The following CCDC158 variants were observed in gnomAD, a reference collection of about 807,000 sequenced individuals.
CCDC158 encodes the protein coiled-coil domain containing 158.
CCDC158 carries 116 observed loss-of-function variants against 138.6 expected under a neutral mutation model. The observed-to-expected ratio is 0.84, with a 90% CI of 0.72 to 0.98. CCDC158 has a LOEUF of 0.98. Among genes scored for constraint, CCDC158 ranks in the 50% least tolerant of loss-of-function variants. The pLI, the probability that CCDC158 is intolerant of heterozygous loss-of-function variation, is 0.00. For missense variants in CCDC158, 1,265 were observed against 1,306.1 expected, an observed-to-expected ratio of 0.97 and a Z score of 0.48; for synonymous variants, 436 against 442.4, an observed-to-expected ratio of 0.99 and a Z score of 0.18.
chr4:76,387,048 C>A (rs1419998375), intron 4 of CCDC158, among the ~76,000 whole-genome samples: 1 of 152,136 alleles, frequency 6.6e-6, no homozygotes, highest in Admixed American at 6.5e-5. Context: ...GGGCTTAGAG[C>A]CAGTAAACTA....
At chr4:76,343,836 G>A (rs1418369210) in intron 18 of CCDC158, among the ~76,000 whole-genome samples, 1 of 151,910 alleles carries the variant, frequency 6.6e-6, no homozygotes, top group Non-Finnish European at 1.5e-5. Flanking sequence ...AACAAACCAG[G>A]AAAGTGTTGT....
chr4:76,320,618 A>G (rs1485034293), intron 24 of CCDC158, among the ~76,000 whole-genome samples: 1 of 152,246 alleles, frequency 6.6e-6, no homozygotes, highest in East Asian at 1.9e-4. Flanking sequence ...AACAGAATAG[A>G]GAACCCAGGA....
chr4:76,325,906 T>C lies in CCDC158; in HGVS notation c.3120A>G (p.Thr1040=), dbSNP rs765936434. 4 of 1,613,870 alleles carry C rather than the reference T, an allele frequency of 2.5e-6. No individual in the cohort carries two copies. Among genetic ancestry groups the C allele is most frequent in the Admixed American group, 3.3e-5 (2 of 60,020 alleles). The stretch of plus-strand genomic sequence containing the variant: ...TAGGTTTGGCAGATCTATACTGTGA[T>C]GTGGAACCTATTGAACCTTCAACTG... ...TSSVEGSIGS[T]SQYRSAKPIH... Residue 1040 remains threonine, a synonymous_variant, in exon 23 of 25, where the codon ACA becomes ACG. Transcript: ENST00000682701.
rs201274899 is a variant in CCDC158, at chr4:76,371,424, T to C, written c.1142A>G (p.Lys381Arg). 2.2e-5 allele frequency: 35 copies of C among 1,614,002 alleles called. No homozygotes were observed. In the East Asian group the frequency reaches 5.8e-4, roughly 27 times the overall value. Residue 381 changes from lysine (K) to arginine (R), a missense_variant, in exon 10 of 25, where the codon AAG becomes AGG. Physicochemically the swap from Lys to Arg is conservative, Grantham distance 26. Transcript: ENST00000682701. The stretch of plus-strand genomic sequence containing the variant: ...TTTAAAGCATAATCTTACCAACAGC[T>C]TTTGAAGTTGATCATCTAAATTTCC... The part of the protein sequence containing the change: ...ESGNLDDQLQ[K>R]LLADLHKREK...
intron 11 of CCDC158, 27 bp downstream of exon 11, chr4:76,369,399 G>T (rs764241638): frequency 1.2e-5 from 19 of 1,604,134 alleles, no homozygotes; most frequent in Non-Finnish European, 1.6e-5. Flanking sequence ...ATTGTTTGGC[G>T]ATGGCACAGC....
intron 5 of CCDC158, 49 bp from the exon 6 acceptor site, chr4:76,384,464 C>T: frequency 6.4e-7 from 1 of 1,562,476 alleles, no homozygotes. Flanking sequence ...AACTCATATT[C>T]ACACAAGTAG....
At chr4:76,400,207 T>G (rs918471876) in intron 3 of CCDC158, among the ~76,000 whole-genome samples, 3 of 151,988 alleles carry the variant, frequency 2.0e-5, no homozygotes, top group African/African-American at 7.3e-5. Context: ...ATATACACCA[T>G]GGAATACTAT....
At chr4:76,405,575 A>G (rs915134942) in intron 2 of CCDC158, among the ~76,000 whole-genome samples, 2 of 152,216 alleles carry the variant, frequency 1.3e-5, no homozygotes, top group African/African-American at 4.8e-5. Flanking sequence ...TAAATACTCA[A>G]TTATAGAGTT....
In CCDC158 at chr4:76,371,444, A is replaced by AT. The variant is rs760940928; in HGVS notation, c.1121dup (p.Asn374LysfsTer4). On this transcript the variant is annotated frameshift_variant, in exon 10 of 25. Transcript: ENST00000682701. LOFTEE classifies it high-confidence loss of function. ...ACAGCTTTTGAAGTTGATCATCTAA[A>AT]TTTCCAGATTCCTGACTGAATTGAT... 4.3e-6 allele frequency: 7 copies of AT among 1,614,000 alleles called. No homozygotes were observed. Among genetic ancestry groups the AT allele is most frequent in the Non-Finnish European group, 5.9e-6 (7 of 1,180,002 alleles).
At chr4:76,407,005 A>G (rs1728879664) in intron 2 of CCDC158, among the ~76,000 whole-genome samples, 1 of 152,188 alleles carries the variant, frequency 6.6e-6, no homozygotes, top group Non-Finnish European at 1.5e-5. Flanking sequence ...AAAAACAATG[A>G]GTCAAATTCA....
At chr4:76,385,655 AGGAACTTT>A (rs1463443355) in intron 4 of CCDC158, among the ~76,000 whole-genome samples, 1 of 152,126 alleles carries the variant, frequency 6.6e-6, no homozygotes, top group Non-Finnish European at 1.5e-5. Flanking sequence ...TGTTTCCAAC[AGGAACTTT>A]GGAAAGACAG....
At chr4:76,332,022 A>T (rs1578883322) in intron 20 of CCDC158, among the ~76,000 whole-genome samples, 2 of 152,290 alleles carry the variant, frequency 1.3e-5, no homozygotes, top group East Asian at 3.9e-4. Flanking sequence ...TCAGCTATTC[A>T]ATTATTGATG....
chr4:76,345,239 T>C (rs1722430015), intron 18 of CCDC158: 2 of 936,964 alleles, frequency 2.1e-6, no homozygotes, highest in South Asian at 2.6e-5. Flanking sequence ...CAGATGAAGA[T>C]CTGAAGCTAA....
intron 15 of CCDC158, among the ~76,000 whole-genome samples, chr4:76,354,233 C>CAAAAAAAAAAAAAAAAA (rs749565764): frequency 3.1e-5 from 2 of 63,938 alleles, no homozygotes; most frequent in Non-Finnish European, 5.8e-5. Flanking sequence ...TTCCCAAAGG[C>CAAAAAAAAAAAAAAAAA]AAAAAAAAAA....
chr4:76,375,716 A>G lies in CCDC158; in HGVS notation c.1029+3574T>C, dbSNP rs919125236. ...TTCTGGAGGTTCTCCTAAAGTGGAAAGAGAAGAATAGAAAACAGCATTACA... is the reference window on the plus strand; with the variant it reads ...TTCTGGAGGTTCTCCTAAAGTGGAAGGAGAAGAATAGAAAACAGCATTACA... On this transcript the variant is annotated intron_variant, in intron 9 of 24. Coordinates refer to ENST00000682701, the MANE Select transcript of CCDC158 (RefSeq NM_001394954.1). 11 of 677,634 alleles carry G rather than the reference A, an allele frequency of 1.6e-5. No individual in the cohort carries two copies. In the African/African-American group the frequency reaches 2.0e-4, roughly 12 times the overall value. The allele number at this position is 677,634 out of a possible 1,614,324, so 42.0% of individuals were successfully genotyped here. A position where few individuals can be genotyped will look rare whatever the true frequency, so the allele number is the denominator to read the frequency against.
chr4:76,383,512 G>A (rs1187491739), intron 7 of CCDC158, 150 bp downstream of exon 7: 1 of 601,838 alleles, frequency 1.7e-6, no homozygotes, highest in African/African-American at 1.9e-5. Context: ...ACCAGGGTCA[G>A]GAAAACAAAA....
chr4:76,416,133 G>GTC (rs891113492), intron 1 of CCDC158, among the ~76,000 whole-genome samples: 5 of 151,394 alleles, frequency 3.3e-5, no homozygotes, highest in South Asian at 2.1e-4. Context: ...GGTGTAAGCT[G>GTC]TCTCTCTCTC....
chr4:76,401,609 G>C (rs559220525), intron 3 of CCDC158: 2 of 156,572 alleles, frequency 1.3e-5, no homozygotes, highest in South Asian at 3.9e-4. Flanking sequence ...ATAAAATCTT[G>C]AGTTTATGTT....
At chr4:76,386,721 A>G (rs563570863) in intron 4 of CCDC158, among the ~76,000 whole-genome samples, 2 of 152,332 alleles carry the variant, frequency 1.3e-5, no homozygotes, top group Admixed American at 6.5e-5. Flanking sequence ...TGAATCTCCA[A>G]TGCCACCCCT....
Sources: gnomAD v4.1 joint callset for allele counts (sites outside exome capture counted in the v4.1 genomes callset) on GRCh38, gnomAD v4.1.1 for gene constraint, MANE v1.5 for transcripts, NCBI Gene and HGNC (gene_info 2026-07-23, HGNC 2026-07-21) for gene names.